Variants in SARDH observed in about 807,000 individuals in gnomAD.
SARDH encodes sarcosine dehydrogenase.
A neutral mutation model predicts 109.1 loss-of-function variants in SARDH; 95 were observed. That is an observed-to-expected ratio of 0.87 (90% CI 0.74 to 1.03). The LOEUF (loss-of-function observed/expected upper bound fraction) is 1.03, where lower values mean the gene tolerates loss of function less well. Among genes scored for constraint, SARDH ranks in the 50% least tolerant of loss-of-function variants. SARDH has a pLI of 0.00. For synonymous variants in SARDH, 572 were observed against 534.8 expected (o/e 1.07, Z -0.96); for missense variants, 1,267 against 1,287.8 (o/e 0.98, Z 0.25).
intron 13 of SARDH, among the ~76,000 whole-genome samples, chr9:133,697,521 C>T (rs1176225878): frequency 6.6e-6 from 1 of 152,150 alleles, no homozygotes. Context: ...AAAAAATCCT[C>T]AACAAAATAC....
chr9:133,677,750 T>A (rs1485426817), intron 17 of SARDH, among the ~76,000 whole-genome samples: 1 of 152,184 alleles, frequency 6.6e-6, no homozygotes, highest in Non-Finnish European at 1.5e-5. Context: ...TTGCCCGTCT[T>A]CCCAGTGGCC....
intron 6 of SARDH, among the ~76,000 whole-genome samples, chr9:133,724,180 T>G (rs1832414655): frequency 6.6e-6 from 1 of 152,020 alleles, no homozygotes; most frequent in African/African-American, 2.4e-5. Context: ...TTCTGGATTC[T>G]GGGGGAAAAA....
At position 133,666,548 on chromosome 9, in the gene SARDH, CCCTCCTTCT is replaced by C. The variant is rs1385240936; in HGVS notation, c.2631+178_2631+186del. ...CTTCCTCTCTCCCCTTTTTCCTTCC[CCCTCCTTCT>C]CCTCCTTCCTTCCTCCCCCTCTTCC... On this transcript the variant is annotated intron_variant, in intron 20 of 20. Transcript: ENST00000439388. The surrounding 1 kb of genome is among the most constrained non-coding windows in gnomAD (Gnocchi z 5.2). Among the ~76,000 whole-genome samples, 1 of 150,772 alleles carries C rather than the reference CCCTCCTTCT, an allele frequency of 6.6e-6. No homozygotes were observed. Among genetic ancestry groups the C allele is most frequent in the Non-Finnish European group, 1.5e-5 (1 of 67,616 alleles).
chr9:133,661,105 T>C (rs962112899), downstream of SARDH, among the ~76,000 whole-genome samples: 1 of 152,124 alleles, frequency 6.6e-6, no homozygotes, highest in African/African-American at 2.4e-5. Flanking sequence ...TTTGGGAGAC[T>C]GAGGCGGGCG....
chr9:133,692,982 C>T lies in SARDH; in HGVS notation c.1921+1276G>A, dbSNP rs1831156811. ...TCACCTCACTACTCCCTGCTTTTGG[C>T]AGAACCGCAGAGGCCCAGGAGCCCC... On this transcript the variant is annotated intron_variant, in intron 15 of 20. Transcript: ENST00000439388. The surrounding 1 kb of genome is among the most constrained non-coding windows in gnomAD (Gnocchi z 5.0). Among the ~76,000 whole-genome samples, 1 of 152,084 alleles carries T rather than the reference C, an allele frequency of 6.6e-6. No individual in the cohort carries two copies. The highest frequency in any genetic ancestry group is 1.9e-4 in the East Asian group (1 of 5,182).
At chr9:133,673,014 G>T (rs982062621) in intron 17 of SARDH, among the ~76,000 whole-genome samples, 2 of 152,218 alleles carry the variant, frequency 1.3e-5, no homozygotes, top group Non-Finnish European at 2.9e-5. Context: ...TTGCAACGGT[G>T]GGAACACGGT....
chr9:133,730,523 C>A (rs1832643749), intron 4 of SARDH, among the ~76,000 whole-genome samples: 1 of 46,226 alleles, frequency 2.2e-5, no homozygotes, highest in African/African-American at 6.2e-5. Context: ...CAGTCTACTG[C>A]TTGGTAAAAA....
chr9:133,680,170 G>T (rs919821672), intron 17 of SARDH, among the ~76,000 whole-genome samples: 6 of 152,358 alleles, frequency 3.9e-5, no homozygotes, highest in Non-Finnish European at 5.9e-5. Context: ...GGCCCGGAAA[G>T]AATTTTAGAC....
intron 6 of SARDH, among the ~76,000 whole-genome samples, chr9:133,722,208 T>C (rs1163119666): frequency 6.6e-6 from 1 of 152,142 alleles, no homozygotes; most frequent in Non-Finnish European, 1.5e-5. Context: ...AACCAATCAA[T>C]AGAATACCCC....
rs111780848 is a variant in SARDH, at chr9:133,685,445, C to T, written c.2070-159G>A. ...ATAAAAATACACCAAGACAGATGTA[C>T]GTTCCAAATATACATAAGACAGCCA... On this transcript the variant is annotated intron_variant, in intron 16 of 20. Transcript: ENST00000439388. Among the ~76,000 whole-genome samples the T allele has an allele frequency of 2.8e-4, 42 of 152,344 alleles. No homozygotes were observed. The South Asian group carries it at 6.8e-3, about 25-fold the overall frequency.
At chr9:133,659,900 T>C (rs1340928202), downstream of SARDH, among the ~76,000 whole-genome samples, 1 of 151,836 alleles carries the variant, frequency 6.6e-6, no homozygotes, top group African/African-American at 2.4e-5. Flanking sequence ...CAGAGAAGGG[T>C]CCCAGGGTCC....
At chr9:133,680,247 G>A (rs538125870) in intron 17 of SARDH, among the ~76,000 whole-genome samples, 41 of 152,340 alleles carry the variant, frequency 2.7e-4, no homozygotes, top group African/African-American at 4.6e-4. Context: ...CAGAAGGACC[G>A]GGCAGGATGG....
At chr9:133,699,532 A>G (rs1380809915) in intron 13 of SARDH, among the ~76,000 whole-genome samples, 1 of 152,104 alleles carries the variant, frequency 6.6e-6, no homozygotes, top group Admixed American at 6.6e-5. Flanking sequence ...TAATAATAAG[A>G]CAAATAACCC....
In SARDH at chr9:133,693,443, T is replaced by C. The variant is rs573265871; in HGVS notation, c.1921+815A>G. Among the ~76,000 whole-genome samples the C allele has an allele frequency of 6.6e-6, 1 of 152,332 alleles. No homozygotes were observed. Among genetic ancestry groups the C allele is most frequent in the South Asian group, 2.1e-4 (1 of 4,830 alleles). On this transcript the variant is annotated intron_variant, in intron 15 of 20. Transcript: ENST00000439388. The surrounding 1 kb of genome is among the most constrained non-coding windows in gnomAD (Gnocchi z 5.6). ...TCAAGAACCAGGAGATGCCAGGTTTTCTGAATGGGCTGAGCCCTCCCCGCT... is the reference window on the plus strand; with the variant it reads ...TCAAGAACCAGGAGATGCCAGGTTTCCTGAATGGGCTGAGCCCTCCCCGCT...
chr9:133,661,078 G>A (rs981444244), downstream of SARDH, among the ~76,000 whole-genome samples: 11 of 152,232 alleles, frequency 7.2e-5, no homozygotes, highest in East Asian at 3.9e-4. Flanking sequence ...GGTGGCTCAC[G>A]CCTGTAATCC....
At chr9:133,734,402 CATTCACTCAT>C (rs1832804748) in intron 1 of SARDH, among the ~76,000 whole-genome samples, 199 bp from the exon 2 acceptor site, 4 of 134,066 alleles carry the variant, frequency 3.0e-5, no homozygotes, top group Non-Finnish European at 6.5e-5. Context: ...TTCACTCATT[CATTCACTCAT>C]TCATTCATTC....
At position 133,686,999 on chromosome 9, in the gene SARDH, C is replaced by T. The variant is rs1830908828; in HGVS notation, c.2070-1713G>A. On this transcript the variant is annotated intron_variant, in intron 16 of 20. Coordinates refer to ENST00000439388, the MANE Select transcript of SARDH (RefSeq NM_001134707.2). The surrounding 1 kb of genome is among the most constrained non-coding windows in gnomAD (Gnocchi z 4.0). Reference sequence around the variant, plus strand: ...GGTCCAAGGCTTTGAAGGGCTCTGACCCAGGCTATGGGCTCAGCAACCTCA... The same window carrying T: ...GGTCCAAGGCTTTGAAGGGCTCTGATCCAGGCTATGGGCTCAGCAACCTCA... Among the ~76,000 whole-genome samples the T allele has an allele frequency of 6.6e-6, 1 of 152,194 alleles. No homozygotes were observed. Among genetic ancestry groups the T allele is most frequent in the Admixed American group, 6.5e-5 (1 of 15,278 alleles).
rs369425719 is a variant in SARDH at position 133,663,883 on chromosome 9, G to C, written c.*6C>G. The C allele has an allele frequency of 3.7e-6, 6 of 1,613,928 alleles. No homozygotes were observed. The highest frequency in any genetic ancestry group is 1.7e-5 in the Admixed American group (1 of 59,988). On this transcript the variant is annotated 3_prime_UTR_variant, in exon 21 of 21. Transcript: ENST00000439388. The stretch of plus-strand genomic sequence containing the variant: ...CAGCATGGGATGGGGCATGTGGTCT[G>C]AGCCCTCAGTAGATTCCCTTCACCC...
chr9:133,721,944 C>T (rs1202673242), intron 6 of SARDH, among the ~76,000 whole-genome samples: 2 of 151,914 alleles, frequency 1.3e-5, no homozygotes, highest in African/African-American at 4.8e-5. Context: ...GGTGAAACCC[C>T]AACTCTACTA....
Sources: gnomAD v4.1 joint callset for allele counts (sites outside exome capture counted in the v4.1 genomes callset) on GRCh38, gnomAD v4.1.1 for gene constraint, Gnocchi (gnomAD v3.1) non-coding constraint, MANE v1.5 for transcripts, NCBI Gene and HGNC (gene_info 2026-07-23, HGNC 2026-07-21) for gene names.